CLRN1: variants seen among roughly 807,000 people sequenced by gnomAD.
CLRN1 encodes the protein clarin 1.
In CLRN1, 15 loss-of-function variants were observed where a neutral mutation model predicts 18.7. That is an observed-to-expected ratio of 0.80 (90% CI 0.54 to 1.23). The LOEUF is 1.23. CLRN1 is among the 50% of genes most tolerant of loss of function. The pLI, the probability that CLRN1 is intolerant of heterozygous loss-of-function variation, is 0.00. For synonymous variants in CLRN1, 104 were observed against 102.9 expected, an observed-to-expected ratio of 1.01 and a Z score of -0.07; for missense variants, 311 against 277.5, an observed-to-expected ratio of 1.12 and a Z score of -0.86.
intron 1 of CLRN1, among the ~76,000 whole-genome samples, chr3:150,948,350 A>C (rs1334830602): frequency 1.3e-5 from 2 of 149,870 alleles, no homozygotes; most frequent in African/African-American, 4.9e-5. Flanking sequence ...CGGACGTGGT[A>C]GCGGGCGCCT....
rs770667302 is a variant in CLRN1 at position 150,972,549 on chromosome 3, G to C, written c.160C>G (p.Leu54Val). 13 of 1,614,036 alleles carry C rather than the reference G, an allele frequency of 8.1e-6. No homozygotes were observed. Among genetic ancestry groups the C allele is most frequent in the Non-Finnish European group, 1.1e-5 (13 of 1,180,012 alleles). Reference protein sequence around the residue: ...ALLVNASGQELDKFMGEMQYG... With the variant: ...ALLVNASGQEVDKFMGEMQYG... ...TGCATTTCACCCATAAACTTGTCCAGCTCCTGCCCTGAGGCATTGACGAGC... is the reference window on the plus strand; with the variant it reads ...TGCATTTCACCCATAAACTTGTCCACCTCCTGCCCTGAGGCATTGACGAGC... Residue 54 changes from leucine to valine, a missense_variant, in exon 1 of 3, where the codon CTG (leucine) becomes GTG (valine). By Grantham distance (32) the Leu-to-Val change is conservative. Coordinates refer to ENST00000327047, the MANE Select transcript of CLRN1 (RefSeq NM_174878.3).
chr3:150,930,971 G>A (rs558471768), intron 2 of CLRN1, among the ~76,000 whole-genome samples: 1 of 152,172 alleles, frequency 6.6e-6, no homozygotes, highest in Non-Finnish European at 1.5e-5. Context: ...TCTGGTAGTA[G>A]AGAGGACAGT....
At chr3:150,926,555 AG>A (rs1275491265), downstream of CLRN1, 4 of 565,472 alleles carry the variant, frequency 7.1e-6, no homozygotes, top group South Asian at 5.7e-5. Context: ...TCCTGATTTA[AG>A]GGGAAAAACC....
Position 150,934,915 on chromosome 3 carries a change from G to A in CLRN1, c.433+6667C>T, listed in dbSNP as rs796913717. 1.5e-4 allele frequency among the ~76,000 whole-genome samples: 23 copies of A among 151,612 alleles called. No individual in the cohort carries two copies. The East Asian group carries it at 1.9e-3, about 13-fold the overall frequency. ...TTCCCTATTCTGCCTTCTCCTGCCC[G>A]CACCTCTATTACAGGAGGCCACCTT... On this transcript the variant is annotated intron_variant, in intron 2 of 2. Transcript: ENST00000327047.
chr3:150,944,273 C>T (rs1230705262), intron 1 of CLRN1: 5 of 234,796 alleles, frequency 2.1e-5, no homozygotes, highest in South Asian at 5.7e-5. Context: ...GATTGTTGTA[C>T]CCACTGGATC....
chr3:150,929,263 A>G (rs1689483799), intron 2 of CLRN1, among the ~76,000 whole-genome samples: 1 of 152,004 alleles, frequency 6.6e-6, no homozygotes, highest in South Asian at 2.1e-4. Flanking sequence ...GAAGCTGGAA[A>G]CTCTGGTGAG....
At chr3:150,937,231 A>G (rs1357018402) in intron 2 of CLRN1, among the ~76,000 whole-genome samples, 1 of 152,164 alleles carries the variant, frequency 6.6e-6, no homozygotes, top group Non-Finnish European at 1.5e-5. Flanking sequence ...TTATTGATAT[A>G]CACTTTTGTT....
In CLRN1 at chr3:150,941,747, G is replaced by C. The variant is rs1325008535; in HGVS notation, c.268C>G (p.Leu90Val). 4 of 1,613,944 alleles carry C rather than the reference G, an allele frequency of 2.5e-6. No individual in the cohort carries two copies. In the East Asian group the frequency reaches 8.9e-5, roughly 36 times the overall value. ...TGGATGCTCACTGGGATTGCTTTGA[G>C]CAAATCTGGAAAAACTGAAGATAAG... ...PFRFSFFPDL[L>V]KAIPVSIHVN... Residue 90 changes from leucine (L) to valine (V), a missense_variant, in exon 2 of 3, where the codon CTC (leucine) becomes GTC (valine). By Grantham distance (32) the Leu-to-Val change is conservative. Coordinates refer to ENST00000327047, the MANE Select transcript of CLRN1 (RefSeq NM_174878.3).
At chr3:150,945,546 C>T (rs1465012820) in intron 1 of CLRN1, 3 of 1,286,900 alleles carry the variant, frequency 2.3e-6, no homozygotes, top group Admixed American at 4.6e-5. Context: ...AAGCTTAGTG[C>T]TATCCAATAG....
intron 1 of CLRN1, among the ~76,000 whole-genome samples, chr3:150,958,691 A>G (rs989088587): frequency 2.0e-5 from 3 of 152,224 alleles, no homozygotes; most frequent in East Asian, 3.8e-4. Context: ...TCCTATGCCT[A>G]TTCCTCACAT....
At chr3:150,931,672 T>C (rs1443043249) in intron 2 of CLRN1, among the ~76,000 whole-genome samples, 1 of 152,182 alleles carries the variant, frequency 6.6e-6, no homozygotes, top group Non-Finnish European at 1.5e-5. Context: ...CTGTGTGCAG[T>C]GGAGCCAGGC....
At position 150,953,950 on chromosome 3, in the gene CLRN1, G is replaced by A. The variant is rs964351778; in HGVS notation, c.254-12189C>T. 7.9e-5 allele frequency among the ~76,000 whole-genome samples: 12 copies of A among 152,124 alleles called. No homozygotes were observed. In the South Asian group the frequency reaches 1.0e-3, roughly 13 times the overall value. ...GAAGTGAAGTAACTTGCCCAAAGTC[G>A]CACAGTGGCATTGATTTTATTTTTT... On this transcript the variant is annotated intron_variant, in intron 1 of 2. Transcript: ENST00000327047.
chr3:150,958,471 C>T (rs969110281), intron 1 of CLRN1, among the ~76,000 whole-genome samples: 3 of 152,224 alleles, frequency 2.0e-5, no homozygotes, highest in African/African-American at 7.2e-5. Flanking sequence ...ATAGACTTAA[C>T]TGCCTGACAG....
intron 2 of CLRN1, among the ~76,000 whole-genome samples, chr3:150,941,187 A>G (rs1713815827): frequency 7.6e-6 from 1 of 131,276 alleles, no homozygotes; most frequent in Admixed American, 7.9e-5. Flanking sequence ...TCATATATAT[A>G]TATATATAGC....
intron 2 of CLRN1, among the ~76,000 whole-genome samples, chr3:150,936,801 C>G (rs896822272): frequency 4.6e-5 from 7 of 152,178 alleles, no homozygotes; most frequent in African/African-American, 1.7e-4. Context: ...GCCATTTCCC[C>G]TCACTACCCA....
In CLRN1 at chr3:150,926,997, T is replaced by G. The variant is rs1168454561; in HGVS notation, c.*939A>C. 1 of 1,533,322 alleles carries G rather than the reference T, an allele frequency of 6.5e-7. No homozygotes were observed. Among genetic ancestry groups the G allele is most frequent in the Non-Finnish European group, 8.9e-7 (1 of 1,125,318 alleles). The allele number at this position is 1,533,322 out of a possible 1,614,324, so 95.0% of individuals were successfully genotyped here. A position where few individuals can be genotyped will look rare whatever the true frequency, so the allele number is the denominator to read the frequency against. ...GTCATAATCCCAGATTTAATATAAT[T>G]TTCATAATTGCATATTAGTACTCGA... On this transcript the variant is annotated 3_prime_UTR_variant, in exon 3 of 3. Coordinates refer to ENST00000327047, the MANE Select transcript of CLRN1 (RefSeq NM_174878.3).
At chr3:150,937,402 C>T (rs2107943094) in intron 2 of CLRN1, among the ~76,000 whole-genome samples, 1 of 152,300 alleles carries the variant, frequency 6.6e-6, no homozygotes, top group South Asian at 2.1e-4. Context: ...ACCCTTAGCA[C>T]TGGCTACAAA....
At chr3:150,931,673 G>A (rs765695815) in intron 2 of CLRN1, among the ~76,000 whole-genome samples, 17 of 152,166 alleles carry the variant, frequency 1.1e-4, no homozygotes, top group Non-Finnish European at 2.1e-4. Flanking sequence ...TGTGTGCAGT[G>A]GAGCCAGGCA....
At chr3:150,937,777 C>T (rs1425000594) in intron 2 of CLRN1, among the ~76,000 whole-genome samples, 1 of 152,136 alleles carries the variant, frequency 6.6e-6, no homozygotes, top group East Asian at 1.9e-4. Context: ...GTTCAAGAGG[C>T]AACAGAATAT....
Sources: allele counts gnomAD v4.1 joint callset (sites outside exome capture counted in the v4.1 genomes callset), GRCh38; gene constraint gnomAD v4.1.1; transcripts MANE v1.5; gene names NCBI Gene and HGNC (gene_info 2026-07-23, HGNC 2026-07-21).